The following EXOC6B variants were observed in gnomAD, a reference collection of about 807,000 sequenced individuals.
EXOC6B encodes the protein exocyst complex component 6B.
EXOC6B carries 54 observed loss-of-function variants against 113.5 expected under a neutral mutation model. That is an observed-to-expected ratio of 0.48 (90% CI 0.38 to 0.60). The LOEUF (loss-of-function observed/expected upper bound fraction) is 0.60. EXOC6B is among the 20% of genes least tolerant of loss of function. The pLI is 0.00. For synonymous variants in EXOC6B, 357 were observed against 339.0 expected, an observed-to-expected ratio of 1.05 and a Z score of -0.58; for missense variants, 797 against 977.5, an observed-to-expected ratio of 0.82 and a Z score of 2.46.
intron 18 of EXOC6B, among the ~76,000 whole-genome samples, chr2:72,446,986 C>T (rs558265677): frequency 7.9e-5 from 12 of 151,970 alleles, no homozygotes; most frequent in African/African-American, 2.9e-4. Flanking sequence ...TGTCTGTAAT[C>T]CCAGCTACTC....
intron 20 of EXOC6B, among the ~76,000 whole-genome samples, chr2:72,218,967 A>AG (rs1274979619): frequency 6.6e-6 from 1 of 151,994 alleles, no homozygotes; most frequent in African/African-American, 2.4e-5. Context: ...TTTCTTAAAA[A>AG]AAAAAAAAGG....
At chr2:72,212,282 C>A (rs1249092162) in intron 20 of EXOC6B, among the ~76,000 whole-genome samples, 1 of 152,154 alleles carries the variant, frequency 6.6e-6, no homozygotes, top group Non-Finnish European at 1.5e-5. Flanking sequence ...GCTCTTAATT[C>A]ACTCCACAAT....
intron 20 of EXOC6B, among the ~76,000 whole-genome samples, chr2:72,266,430 T>C (rs2104606125): frequency 6.6e-6 from 1 of 151,046 alleles, no homozygotes; most frequent in Admixed American, 6.6e-5. Flanking sequence ...TTAATTTTTG[T>C]ATAAGGTGTA....
chr2:72,194,360 A>T (rs1322302833), intron 20 of EXOC6B, among the ~76,000 whole-genome samples: 1 of 152,154 alleles, frequency 6.6e-6, no homozygotes, highest in Non-Finnish European at 1.5e-5. Context: ...AGAGGAGATT[A>T]ACTAACATGT....
chr2:72,307,162 T>TA (rs909606961), intron 20 of EXOC6B, among the ~76,000 whole-genome samples: 3 of 122,880 alleles, frequency 2.4e-5, no homozygotes, highest in East Asian at 2.0e-4. Context: ...TATAGTCCAG[T>TA]TTTTTTTTTT....
intron 6 of EXOC6B, among the ~76,000 whole-genome samples, chr2:72,683,550 A>G (rs1676865939): frequency 6.6e-6 from 1 of 152,130 alleles, no homozygotes; most frequent in East Asian, 1.9e-4. Flanking sequence ...AAAAATCTAA[A>G]CCTTTTTCAA....
intron 19 of EXOC6B, among the ~76,000 whole-genome samples, chr2:72,371,374 GAC>G (rs1446512018): frequency 6.6e-6 from 1 of 152,022 alleles, no homozygotes; most frequent in Non-Finnish European, 1.5e-5. Flanking sequence ...TAAAATCAAA[GAC>G]ACATCGAAAA....
At chr2:72,495,053 C>T (rs1699961900) in intron 15 of EXOC6B, among the ~76,000 whole-genome samples, 1 of 151,612 alleles carries the variant, frequency 6.6e-6, no homozygotes, top group African/African-American at 2.4e-5. Flanking sequence ...GATGGGGGTC[C>T]CACTATGTGG....
intron 1 of EXOC6B, among the ~76,000 whole-genome samples, chr2:72,806,093 C>T (rs2105103608): frequency 6.6e-6 from 1 of 152,154 alleles, no homozygotes; most frequent in Admixed American, 6.5e-5. Context: ...GGGTATATAG[C>T]ATGATGCTAA....
At chr2:72,201,326 A>ATGAT (rs776795636) in intron 20 of EXOC6B, among the ~76,000 whole-genome samples, 18 of 152,118 alleles carry the variant, frequency 1.2e-4, no homozygotes, top group African/African-American at 4.3e-4. Flanking sequence ...GTGTTTCCAG[A>ATGAT]TGATAGAAGA....
intron 8 of EXOC6B, among the ~76,000 whole-genome samples, chr2:72,551,804 C>A (rs185939662): frequency 3.9e-4 from 60 of 152,258 alleles, no homozygotes; most frequent in African/African-American, 1.4e-3. Flanking sequence ...CCATTAAAAT[C>A]TTAATAGCTT....
At chr2:72,507,184 T>C (rs1700638563) in intron 11 of EXOC6B, among the ~76,000 whole-genome samples, 1 of 152,124 alleles carries the variant, frequency 6.6e-6, no homozygotes. Context: ...TGATAAATAA[T>C]GTAGTCACAT....
chr2:72,809,703 C>T (rs1559020586), intron 1 of EXOC6B, among the ~76,000 whole-genome samples: 1 of 151,976 alleles, frequency 6.6e-6, no homozygotes, highest in Non-Finnish European at 1.5e-5. Flanking sequence ...CATAGCAATA[C>T]TAAATGTGTA....
intron 6 of EXOC6B, among the ~76,000 whole-genome samples, chr2:72,677,366 A>G (rs1335541948): frequency 6.6e-6 from 1 of 152,078 alleles, no homozygotes; most frequent in Non-Finnish European, 1.5e-5. Context: ...CCCTATCTTT[A>G]TTTTTATATT....
At chr2:72,806,461 T>C (rs560041474) in intron 1 of EXOC6B, among the ~76,000 whole-genome samples, 1 of 152,350 alleles carries the variant, frequency 6.6e-6, no homozygotes, top group South Asian at 2.1e-4. Flanking sequence ...ATTCTATGTT[T>C]TGGCTATTGT....
chr2:72,622,487 G>A (rs1376326401), intron 6 of EXOC6B, among the ~76,000 whole-genome samples: 1 of 152,200 alleles, frequency 6.6e-6, no homozygotes, highest in Non-Finnish European at 1.5e-5. Context: ...GTCAAGGAGG[G>A]TGGACAGCTT....
intron 6 of EXOC6B, among the ~76,000 whole-genome samples, chr2:72,653,198 C>T (rs1216286113): frequency 2.6e-5 from 4 of 151,060 alleles, no homozygotes. Flanking sequence ...AAATGTGGCA[C>T]ATATACACCA....
intron 8 of EXOC6B, among the ~76,000 whole-genome samples, chr2:72,538,157 G>C (rs1702406405): frequency 6.6e-6 from 1 of 151,696 alleles, no homozygotes. Flanking sequence ...GAAATGAGGT[G>C]TCGCTATGTT....
rs201912352 is a variant in EXOC6B at position 72,617,517 on chromosome 2, C to CTTTTTT, written c.670-41855_670-41850dup. On this transcript the variant is annotated intron_variant, in intron 6 of 21. Transcript: ENST00000272427. ...GGTCCCCAAAGCTCAAATCTTTTTT[C>CTTTTTT]TTTTTTTTTTTTTTTTTTTTTTGAG... Among the ~76,000 whole-genome samples the CTTTTTT allele has an allele frequency of 6.5e-4, 63 of 96,944 alleles. 2 individuals carry two copies. Among genetic ancestry groups the CTTTTTT allele is most frequent in the Non-Finnish European group, 8.0e-4 (40 of 49,778 alleles). The allele number at this position is 96,944 out of a possible 152,430, so 63.6% of individuals were successfully genotyped here. A position where few individuals can be genotyped will look rare whatever the true frequency, so the allele number is the denominator to read the frequency against.
Sources: gnomAD v4.1 joint callset for allele counts (sites outside exome capture counted in the v4.1 genomes callset) on GRCh38, gnomAD v4.1.1 for gene constraint, MANE v1.5 for transcripts, NCBI Gene and HGNC (gene_info 2026-07-23, HGNC 2026-07-21) for gene names.